The following ZNF469 variants were observed in gnomAD, a reference collection of about 807,000 sequenced individuals.
ZNF469 encodes zinc finger protein 469.
A neutral mutation model predicts 1.0 loss-of-function variants in ZNF469; 1 was observed. The observed-to-expected ratio is 1.00, with a 90% CI of 0.35 to 4.73. The LOEUF (loss-of-function observed/expected upper bound fraction) is 4.73, where lower values mean the gene tolerates loss of function less well. ZNF469 is among the 30% of genes most tolerant of loss of function. The pLI is 0.16. For missense variants in ZNF469, 6,100 were observed against 5,356.3 expected (o/e 1.14, Z -4.33); for synonymous variants, 2,703 against 2,363.4 (o/e 1.14, Z -4.17).
chr16:88,364,524 GA>G, the ZNF469 span, among the ~76,000 whole-genome samples: 1 of 147,992 alleles, frequency 6.8e-6, no homozygotes, highest in Admixed American at 6.7e-5. Flanking sequence ...AAGCTGCTGG[GA>G]TTTAGACTGA....
rs1906068907 is a variant in ZNF469 at position 88,430,430 on chromosome 16, G to A, written c.2960G>A (p.Gly987Glu). 6.6e-7 allele frequency: 1 copy of A among 1,518,112 alleles called. No homozygotes were observed. Among genetic ancestry groups the A allele is most frequent in the African/African-American group, 1.4e-5 (1 of 72,084 alleles). 94.0% of individuals were successfully genotyped at this position (1,518,112 alleles called of 1,614,324 possible). A position where few individuals can be genotyped will look rare whatever the true frequency, so the allele number is the denominator to read the frequency against. The change falls in exon 3 of 3, where the codon GGG becomes GAG. Residue 987 changes from glycine to glutamate, a missense_variant. By Grantham distance (98) the Gly-to-Glu change is moderately conservative. Coordinates refer to ENST00000565624, the MANE Select transcript of ZNF469 (RefSeq NM_001367624.2). Reference protein sequence around the residue: ...GLRPRRNDGLGERPPPRPRRP... With the variant: ...GLRPRRNDGLEERPPPRPRRP... ...AGGCCCCGGAGGAACGACGGTCTCG[G>A]GGAGCGGCCCCCACCCCGTCCCCGG... is the stretch of plus-strand genomic sequence containing the variant.
At chr16:88,353,586 C>G in the ZNF469 span, among the ~76,000 whole-genome samples, 1 of 152,236 alleles carries the variant, frequency 6.6e-6, no homozygotes, top group Non-Finnish European at 1.5e-5. Context: ...CATTGGGTGC[C>G]TTAGGCCTTC....
chr16:88,336,475 C>T, the ZNF469 span, among the ~76,000 whole-genome samples: 283 of 149,614 alleles, frequency 1.9e-3, no homozygotes, highest in African/African-American at 6.1e-3. Context: ...GCCAATACCA[C>T]GCACGTTCAT....
At chr16:88,261,893 C>T in the ZNF469 span, among the ~76,000 whole-genome samples, 1 of 152,120 alleles carries the variant, frequency 6.6e-6, no homozygotes, top group African/African-American at 2.4e-5. This position sits in a 1 kb window ranked among gnomAD's most constrained non-coding sequence, Gnocchi z 6.0. Context: ...GATGAGGACT[C>T]GGAGGCCCCC....
the ZNF469 span, among the ~76,000 whole-genome samples, chr16:88,295,088 A>T: frequency 9.2e-5 from 7 of 75,690 alleles, no homozygotes; most frequent in African/African-American, 1.0e-4. Flanking sequence ...ACGTCATCTC[A>T]GGCCCCCAGG....
chr16:88,221,529 T>C, the ZNF469 span, among the ~76,000 whole-genome samples: 16 of 152,310 alleles, frequency 1.1e-4, no homozygotes, highest in East Asian at 3.1e-3. Flanking sequence ...GAGCGCTTCC[T>C]CCAGACTGTG....
chr16:88,241,975 G>T, the ZNF469 span, among the ~76,000 whole-genome samples: 2 of 152,234 alleles, frequency 1.3e-5, no homozygotes, highest in African/African-American at 4.8e-5. The surrounding 1 kb of genome is among the most constrained non-coding windows in gnomAD (Gnocchi z 4.8). Context: ...TGTGCAGACA[G>T]GATGGGAGGA....
the ZNF469 span, chr16:88,302,296 T>C: frequency 3.9e-5 from 6 of 152,262 alleles, no homozygotes; most frequent in African/African-American, 1.4e-4. Flanking sequence ...CAGATGATAT[T>C]AATGATAAAA....
the ZNF469 span, among the ~76,000 whole-genome samples, chr16:88,370,922 T>C: frequency 6.6e-6 from 1 of 152,240 alleles, no homozygotes; most frequent in African/African-American, 2.4e-5. Context: ...CTGCAATCCC[T>C]GCCATGTGAG....
At chr16:88,305,761 CAT>C in the ZNF469 span, among the ~76,000 whole-genome samples, 5 of 152,346 alleles carry the variant, frequency 3.3e-5, no homozygotes, top group African/African-American at 7.2e-5. Flanking sequence ...CGGAAACACA[CAT>C]ATGCACACTC....
chr16:88,244,384 A>G, the ZNF469 span, among the ~76,000 whole-genome samples: 78 of 90,198 alleles, frequency 8.6e-4, no homozygotes, highest in South Asian at 1.4e-3. Context: ...TGGATGGGTG[A>G]ATGCATGGGT....
upstream of ZNF469, among the ~76,000 whole-genome samples, chr16:88,382,356 AG>A (rs1410611047): frequency 5.9e-5 from 9 of 152,292 alleles, no homozygotes; most frequent in East Asian, 1.5e-3. Flanking sequence ...CTCCCTCTCT[AG>A]GGGCCTGGAT....
the ZNF469 span, among the ~76,000 whole-genome samples, chr16:88,136,259 C>T: frequency 6.6e-6 from 1 of 152,206 alleles, no homozygotes; most frequent in Non-Finnish European, 1.5e-5. Flanking sequence ...CCAGCCTGGC[C>T]CCTGCCCTCC....
At chr16:88,335,234 G>C in the ZNF469 span, among the ~76,000 whole-genome samples, 1 of 151,930 alleles carries the variant, frequency 6.6e-6, no homozygotes, top group African/African-American at 2.4e-5. Context: ...GAGCTTAACT[G>C]TAGGGTCAGA....
the ZNF469 span, among the ~76,000 whole-genome samples, chr16:88,283,209 T>C: frequency 0.052 from 7,979 of 152,130 alleles, 682 homozygotes; most frequent in African/African-American, 0.18. Context: ...GGAAACCATC[T>C]ATACCTTGAC....
the ZNF469 span, among the ~76,000 whole-genome samples, chr16:88,104,248 T>TAA: frequency 2.3e-5 from 3 of 130,484 alleles, no homozygotes; most frequent in Admixed American, 7.6e-5. Flanking sequence ...GACGGTATCT[T>TAA]AAAAAAAAAA....
the ZNF469 span, among the ~76,000 whole-genome samples, chr16:88,141,293 A>G: frequency 6.6e-6 from 1 of 152,266 alleles, no homozygotes; most frequent in African/African-American, 2.4e-5. Context: ...GTGTAACAAA[A>G]GACACCAAAA....
the ZNF469 span, among the ~76,000 whole-genome samples, chr16:88,353,859 C>T: frequency 2.6e-5 from 4 of 152,196 alleles, no homozygotes; most frequent in Non-Finnish European, 4.4e-5. Flanking sequence ...GAAGGAAGCT[C>T]TCCTGGAGCT....
the ZNF469 span, among the ~76,000 whole-genome samples, chr16:88,229,689 C>T: frequency 2.0e-4 from 30 of 151,044 alleles, no homozygotes; most frequent in Middle Eastern, 3.4e-3. Flanking sequence ...TGATGCCATA[C>T]GTGTGGATGT....
Sources: allele counts gnomAD v4.1 joint callset (sites outside exome capture counted in the v4.1 genomes callset), GRCh38; gene constraint gnomAD v4.1.1; non-coding constraint Gnocchi (gnomAD v3.1); transcripts MANE v1.5; gene names NCBI Gene and HGNC (gene_info 2026-07-23, HGNC 2026-07-21).